ZSCAN25: variants seen among roughly 807,000 people sequenced by gnomAD.
ZSCAN25 encodes zinc finger and SCAN domain containing 25, also known as zinc finger and SCAN domain-containing protein 25.
ZSCAN25 carries 27 observed loss-of-function variants against 38.7 expected under a neutral mutation model. That is an observed-to-expected ratio of 0.70 (90% CI 0.51 to 0.96). The LOEUF is 0.96. Ranked by LOEUF, ZSCAN25 falls within the 40% of genes least tolerant of loss-of-function variation. The pLI, the probability that ZSCAN25 is intolerant of heterozygous loss-of-function variation, is 0.00. For missense variants in ZSCAN25, 637 were observed against 705.9 expected (o/e 0.90, Z 1.11); for synonymous variants, 273 against 277.7 (o/e 0.98, Z 0.17).
chr7:99,710,236 T>G, the ZSCAN25 span, among the ~76,000 whole-genome samples: 1 of 152,186 alleles, frequency 6.6e-6, no homozygotes. Flanking sequence ...TTATAGAGTT[T>G]AAGAGTTTAG....
At chr7:99,710,632 A>G in the ZSCAN25 span, 1 of 1,587,726 alleles carries the variant, frequency 6.3e-7, no homozygotes, top group Admixed American at 1.8e-5. Flanking sequence ...TGAAACAATC[A>G]TGATTATGCT....
intron 7 of ZSCAN25, 40 bp downstream of exon 7, chr7:99,624,220 T>C (rs565161462): frequency 1.2e-6 from 2 of 1,611,994 alleles, no homozygotes; most frequent in African/African-American, 1.3e-5. Flanking sequence ...ACTGGGGAGT[T>C]CTGAAAGCTC....
At chr7:99,717,606 T>C in the ZSCAN25 span, 1 of 1,613,724 alleles carries the variant, frequency 6.2e-7, no homozygotes, top group Non-Finnish European at 8.5e-7. Context: ...GCTATAGAGA[T>C]GGCATTTTTC....
chr7:99,663,043 C>G, the ZSCAN25 span: 1 of 1,367,940 alleles, frequency 7.3e-7, no homozygotes, highest in Non-Finnish European at 9.5e-7. Context: ...CAAAAACATT[C>G]ATCTAAATCC....
At chr7:99,647,428 C>T in the ZSCAN25 span, 1 of 886,030 alleles carries the variant, frequency 1.1e-6, no homozygotes, top group Admixed American at 6.2e-5. Flanking sequence ...TGCTTTTAGA[C>T]ATGCTGCCCA....
chr7:99,682,433 C>T, the ZSCAN25 span, among the ~76,000 whole-genome samples: 5 of 152,322 alleles, frequency 3.3e-5, no homozygotes, highest in African/African-American at 7.2e-5. Context: ...AATGAGTTCA[C>T]CGTAGGTGTG....
chr7:99,619,752 G>A lies in ZSCAN25; in HGVS notation c.146G>A (p.Arg49His), dbSNP rs752788524. ...TTTCGGCTGAGGTTTCGGCAGTTCC[G>A]CTACCAGGAGGCAGCTGGACCCCAG... The part of the protein sequence containing the change: ...ETFRLRFRQF[R>H]YQEAAGPQEA... The change falls in exon 4 of 8, where the codon CGC becomes CAC. Residue 49 changes from arginine to histidine, a missense_variant. Transcript: ENST00000394152. 1.1e-5 allele frequency: 18 copies of A among 1,614,242 alleles called. No individual in the cohort carries two copies. The highest frequency in any genetic ancestry group is 2.2e-5 in the East Asian group (1 of 44,888).
At chr7:99,722,256 A>T in the ZSCAN25 span, 1 of 1,612,444 alleles carries the variant, frequency 6.2e-7, no homozygotes, top group Non-Finnish European at 8.5e-7. Flanking sequence ...AACTCATCAT[A>T]GAAACAAGTC....
chr7:99,681,321 A>C, the ZSCAN25 span, among the ~76,000 whole-genome samples: 2 of 152,198 alleles, frequency 1.3e-5, no homozygotes, highest in Admixed American at 6.5e-5. Flanking sequence ...GTATATACCC[A>C]GCATGGGGAT....
chr7:99,720,357 T>C, the ZSCAN25 span: 3 of 1,613,770 alleles, frequency 1.9e-6, no homozygotes, highest in Non-Finnish European at 2.5e-6. Context: ...ACTAGCACTG[T>C]TTTGATCATG....
chr7:99,735,824 C>A, the ZSCAN25 span, among the ~76,000 whole-genome samples: 1 of 152,204 alleles, frequency 6.6e-6, no homozygotes, highest in African/African-American at 2.4e-5. Flanking sequence ...GCTCTGGTCC[C>A]TATCAGGGTG....
chr7:99,663,308 T>G, the ZSCAN25 span: 108 of 994,410 alleles, frequency 1.1e-4, no homozygotes, highest in African/African-American at 1.6e-4. Context: ...GCAGCTTTTT[T>G]GGGGGAGCAT....
chr7:99,704,472 G>A, the ZSCAN25 span, among the ~76,000 whole-genome samples: 1 of 151,898 alleles, frequency 6.6e-6, no homozygotes, highest in South Asian at 2.1e-4. Flanking sequence ...TGTATTTTTA[G>A]TAGAAAGGGG....
chr7:99,636,822 T>A (rs13308937), downstream of ZSCAN25, among the ~76,000 whole-genome samples: 1 of 152,250 alleles, frequency 6.6e-6, no homozygotes, highest in African/African-American at 2.4e-5. Flanking sequence ...CTAGATATCA[T>A]CAGCGAGCAC....
At chr7:99,709,164 C>T in the ZSCAN25 span, 4 of 1,613,978 alleles carry the variant, frequency 2.5e-6, no homozygotes, top group South Asian at 1.1e-5. Context: ...TTTGCAGACC[C>T]TCTCAAGTCT....
the ZSCAN25 span, chr7:99,707,913 G>T: frequency 6.2e-7 from 1 of 1,613,982 alleles, no homozygotes; most frequent in African/African-American, 1.3e-5. Context: ...CAGTTTCTGG[G>T]TCCACTTCCA....
At chr7:99,717,275 A>G in the ZSCAN25 span, 1 of 1,613,938 alleles carries the variant, frequency 6.2e-7, no homozygotes, top group Non-Finnish European at 8.5e-7. Flanking sequence ...TCTAAGCACA[A>G]AACACAACAC....
chr7:99,680,660 G>A, the ZSCAN25 span, among the ~76,000 whole-genome samples: 2 of 152,154 alleles, frequency 1.3e-5, 1 homozygote, highest in Non-Finnish European at 2.9e-5. Context: ...ATTGCTGGGC[G>A]TCTCATCCCC....
chr7:99,720,612 A>G, the ZSCAN25 span: 1 of 549,678 alleles, frequency 1.8e-6, no homozygotes, highest in Non-Finnish European at 3.2e-6. Flanking sequence ...CATACGATGA[A>G]GGGTAATGTG....
Sources: allele counts gnomAD v4.1 joint callset (sites outside exome capture counted in the v4.1 genomes callset), GRCh38; gene constraint gnomAD v4.1.1; transcripts MANE v1.5; gene names NCBI Gene and HGNC (gene_info 2026-07-23, HGNC 2026-07-21).